YAP1: variants seen among roughly 807,000 people sequenced by gnomAD.
The protein encoded by YAP1 is transcriptional coactivator YAP1.
In YAP1, 5 loss-of-function variants were observed where a neutral mutation model predicts 56.9. That is an observed-to-expected ratio of 0.09 (90% CI 0.05 to 0.18). The LOEUF (loss-of-function observed/expected upper bound fraction) is 0.18. Among genes scored for constraint, YAP1 ranks in the 10% least tolerant of loss-of-function variants. The probability of loss-of-function intolerance (pLI) is 1.00; values close to 1 mark genes in which losing one functional copy is unlikely to be tolerated. For missense variants in YAP1, 539 were observed against 651.8 expected (o/e 0.83, Z 1.88); for synonymous variants, 265 against 248.1 (o/e 1.07, Z -0.64).
chr11:102,134,306 T>C (rs1209144723), intron 2 of YAP1, among the ~76,000 whole-genome samples: 2 of 152,042 alleles, frequency 1.3e-5, no homozygotes, highest in Non-Finnish European at 2.9e-5. Context: ...CTTAATCTGT[T>C]AACTGTGATT....
chr11:102,152,514 T>C (rs1253569438), intron 2 of YAP1, among the ~76,000 whole-genome samples: 1 of 152,186 alleles, frequency 6.6e-6, no homozygotes, highest in African/African-American at 2.4e-5. Flanking sequence ...TGTTTTAGTC[T>C]TATTGTGGGC....
intron 3 of YAP1, among the ~76,000 whole-genome samples, chr11:102,165,622 G>GC (rs1946559222): frequency 6.6e-6 from 1 of 152,024 alleles, no homozygotes; most frequent in Non-Finnish European, 1.5e-5. Context: ...AGAGGCTTGA[G>GC]CATGTTTACA....
At chr11:102,163,828 A>G (rs1326831405) in intron 3 of YAP1, among the ~76,000 whole-genome samples, 1 of 152,138 alleles carries the variant, frequency 6.6e-6, no homozygotes, top group Non-Finnish European at 1.5e-5. Flanking sequence ...CTGCTGTTAC[A>G]TACCTCTGCT....
chr11:102,124,524 C>T (rs1943909687), intron 2 of YAP1, among the ~76,000 whole-genome samples: 1 of 152,116 alleles, frequency 6.6e-6, no homozygotes, highest in Non-Finnish European at 1.5e-5. Context: ...TCTTTCAGTC[C>T]TGGAAAACAT....
At chr11:102,192,011 T>C (rs1398920847) in intron 4 of YAP1, among the ~76,000 whole-genome samples, 3 of 152,158 alleles carry the variant, frequency 2.0e-5, no homozygotes, top group African/African-American at 7.2e-5. Flanking sequence ...AGATCTCTGA[T>C]TGGAACAGAC....
intron 3 of YAP1, among the ~76,000 whole-genome samples, chr11:102,171,389 C>A (rs1946889865): frequency 6.6e-6 from 1 of 152,154 alleles, no homozygotes; most frequent in South Asian, 2.1e-4. Flanking sequence ...CAGAATAAAT[C>A]TTGCAACAGT....
intron 2 of YAP1, among the ~76,000 whole-genome samples, chr11:102,117,934 T>C (rs566796971): frequency 6.6e-6 from 1 of 152,334 alleles, no homozygotes; most frequent in South Asian, 2.1e-4. Context: ...GTTCTTCAAG[T>C]AGTTGGTCAA....
chr11:102,212,470 A>G (rs137869774), intron 6 of YAP1, among the ~76,000 whole-genome samples: 59 of 152,368 alleles, frequency 3.9e-4, no homozygotes, highest in African/African-American at 1.3e-3. Flanking sequence ...AGGCATTTAT[A>G]TATCTTCTTA....
chr11:102,142,525 C>T (rs1413743901), intron 2 of YAP1, among the ~76,000 whole-genome samples: 2 of 152,212 alleles, frequency 1.3e-5, no homozygotes, highest in Non-Finnish European at 2.9e-5. Context: ...GGGCCGTCTT[C>T]AGCCTTCTGA....
rs1290566914 is a variant in YAP1 at position 102,110,999 on chromosome 11, G to A, written c.151G>A (p.Gly51Arg). ...GGCGGCGCCGCAGGCACCCCCCGCC[G>A]GGCATCAGATCGTGCACGTCCGCGG... ...TQAAPQAPPAGHQIVHVRGDS... is the reference protein window; with the variant it reads ...TQAAPQAPPARHQIVHVRGDS... The change falls in exon 1 of 9, where the codon GGG becomes AGG. Residue 51 changes from glycine (G) to arginine (R), a missense_variant. Physicochemically the swap from Gly to Arg is moderately radical, Grantham distance 125. Around this residue, in one of 4 missense-constraint regions of YAP1, gnomAD observed 106 missense variants for 86.6 expected, o/e 1.22. Coordinates refer to ENST00000282441, the MANE Select transcript of YAP1 (RefSeq NM_001130145.3). 1.9e-6 allele frequency: 3 copies of A among 1,568,454 alleles called. No individual in the cohort carries two copies. The highest frequency in any genetic ancestry group is 1.9e-4 in the Middle Eastern group (1 of 5,272).
At chr11:102,152,165 T>G (rs1355545967) in intron 2 of YAP1, among the ~76,000 whole-genome samples, 3 of 152,244 alleles carry the variant, frequency 2.0e-5, no homozygotes, top group Admixed American at 2.0e-4. Flanking sequence ...CTATACTGTC[T>G]TTATTGATGG....
chr11:102,188,771 T>C (rs1265261026), intron 4 of YAP1, among the ~76,000 whole-genome samples: 1 of 152,228 alleles, frequency 6.6e-6, no homozygotes, highest in African/African-American at 2.4e-5. Flanking sequence ...GAATTGCCAA[T>C]GATCCATTTC....
At chr11:102,160,112 C>T (rs1946180744) in intron 2 of YAP1, among the ~76,000 whole-genome samples, 1 of 150,556 alleles carries the variant, frequency 6.6e-6, no homozygotes, top group African/African-American at 2.5e-5. Context: ...CAACCTCTGC[C>T]CCCTGGGTTT....
Position 102,199,899 on chromosome 11 carries a change from CAG to C in YAP1, c.803-5991_803-5990del, listed in dbSNP as rs1223760768. On this transcript the variant is annotated intron_variant, in intron 4 of 8. Transcript: ENST00000282441. ...ACAAGGATTGACCACTGTCAAGTCA[CAG>C]AGTCACAAATTGTCTAGAATCAATA... Among the ~76,000 whole-genome samples, 9 of 152,332 alleles carry C rather than the reference CAG, an allele frequency of 5.9e-5. No individual in the cohort carries two copies. In the East Asian group the frequency reaches 1.7e-3, roughly 29 times the overall value.
chr11:102,111,622 C>T (rs1470209442), intron 1 of YAP1, among the ~76,000 whole-genome samples: 1 of 152,104 alleles, frequency 6.6e-6, no homozygotes, highest in Non-Finnish European at 1.5e-5. Flanking sequence ...GGGAGGGGGG[C>T]CTCTGGCATT....
chr11:102,150,621 A>G (rs955060663), intron 2 of YAP1, among the ~76,000 whole-genome samples: 1 of 151,972 alleles, frequency 6.6e-6, no homozygotes, highest in Non-Finnish European at 1.5e-5. Context: ...TTTAGCCCCC[A>G]CATGTCTATA....
rs538549597 is a variant in YAP1, at chr11:102,111,556, G to GCGCGCGCCTC, written c.321+395_321+404dup. ...CTGGGCCGCGGTGGGCTTGCACAAT[G>GCGCGCGCCTC]CGCGCGCCTCCGCGCGCTCCGCACC... On this transcript the variant is annotated intron_variant, in intron 1 of 8. Transcript: ENST00000282441. Among the ~76,000 whole-genome samples, 575 of 151,462 alleles carry GCGCGCGCCTC rather than the reference G, an allele frequency of 3.8e-3. 5 individuals carry two copies. Among genetic ancestry groups the GCGCGCGCCTC allele is most frequent in the Middle Eastern group, 0.014 (4 of 292 alleles).
Position 102,229,556 on chromosome 11 carries a change from T to G in YAP1, c.1277-146T>G, listed in dbSNP as rs1950363018. ...CATTGTTATTTTGTTATCTGTGAGT[T>G]GTTTGACCTGATATAAATTCTAGGT... On this transcript the variant is annotated intron_variant, in intron 8 of 8. Coordinates refer to ENST00000282441, the MANE Select transcript of YAP1 (RefSeq NM_001130145.3). 4 of 662,774 alleles carry G rather than the reference T, an allele frequency of 6.0e-6. No individual in the cohort carries two copies. The Admixed American group carries it at 1.2e-4, about 19-fold the overall frequency. The allele number at this position is 662,774 out of a possible 1,614,324, so 41.1% of individuals were successfully genotyped here.
intron 6 of YAP1, among the ~76,000 whole-genome samples, chr11:102,222,799 A>G (rs1949995758): frequency 6.8e-6 from 1 of 146,234 alleles, no homozygotes; most frequent in South Asian, 2.3e-4. Flanking sequence ...AGTGTGAAAT[A>G]GTGTTGGGGG....
Sources: allele counts gnomAD v4.1 joint callset (sites outside exome capture counted in the v4.1 genomes callset), GRCh38; gene constraint gnomAD v4.1.1; regional missense constraint gnomAD v4.1.1; transcripts MANE v1.5; gene names NCBI Gene and HGNC (gene_info 2026-07-23, HGNC 2026-07-21).